Variants in CSMD1 observed in about 807,000 individuals in gnomAD.
CSMD1 encodes CUB and sushi domain-containing protein 1.
A neutral mutation model predicts 417.5 loss-of-function variants in CSMD1; 213 were observed. The observed-to-expected ratio is 0.51, with a 90% CI of 0.46 to 0.57. CSMD1 has a LOEUF of 0.57. Among genes scored for constraint, CSMD1 ranks in the 20% least tolerant of loss-of-function variants. CSMD1 has a pLI of 0.00. For synonymous variants in CSMD1, 2,862 were observed against 1,736.8 expected, an observed-to-expected ratio of 1.65 and a Z score of -16.11; for missense variants, 6,923 against 4,529.7, an observed-to-expected ratio of 1.53 and a Z score of -15.17.
intron 8 of CSMD1, among the ~76,000 whole-genome samples, chr8:3,596,041 T>G (rs1203281578): frequency 6.9e-6 from 1 of 145,602 alleles, no homozygotes; most frequent in Non-Finnish European, 1.5e-5. Context: ...CGTCAGTGCC[T>G]ATTTTCCACG....
intron 49 of CSMD1, among the ~76,000 whole-genome samples, chr8:3,079,980 A>G (rs1015267181): frequency 3.9e-5 from 6 of 152,178 alleles, no homozygotes; most frequent in Admixed American, 6.5e-5. Context: ...TCTCTATCTA[A>G]AAGGCCTGAC....
At chr8:4,223,484 T>C (rs1428728385) in intron 3 of CSMD1, among the ~76,000 whole-genome samples, 8 of 152,210 alleles carry the variant, frequency 5.3e-5, no homozygotes, top group Non-Finnish European at 1.2e-4. Context: ...GAAGGATAAT[T>C]GGTAGAGATG....
chr8:4,374,340 AT>A (rs1318532290), intron 3 of CSMD1, among the ~76,000 whole-genome samples: 2 of 152,060 alleles, frequency 1.3e-5, no homozygotes, highest in Non-Finnish European at 2.9e-5. Flanking sequence ...CTTTTTCTTT[AT>A]TTTCAGAATC....
At chr8:3,206,500 A>ATG (rs1256513528) in intron 30 of CSMD1, among the ~76,000 whole-genome samples, 1 of 86,308 alleles carries the variant, frequency 1.2e-5, no homozygotes, top group African/African-American at 4.7e-5. Context: ...GTGTGGGTGT[A>ATG]TGTGTGTGTG....
At chr8:3,966,765 GCACA>G (rs926761750) in intron 5 of CSMD1, among the ~76,000 whole-genome samples, 1 of 131,038 alleles carries the variant, frequency 7.6e-6, no homozygotes, top group African/African-American at 2.8e-5. Flanking sequence ...GCGCGCGCGC[GCACA>G]CACACTGATT....
chr8:3,516,388 A>G (rs1242918056), intron 10 of CSMD1, among the ~76,000 whole-genome samples: 1 of 152,174 alleles, frequency 6.6e-6, no homozygotes, highest in Non-Finnish European at 1.5e-5. Flanking sequence ...AAATACTGGG[A>G]TGTGTCAAAA....
chr8:3,489,240 A>C (rs1313940768), intron 11 of CSMD1, among the ~76,000 whole-genome samples: 4 of 152,148 alleles, frequency 2.6e-5, no homozygotes, highest in African/African-American at 9.7e-5. Context: ...AAAATGGATT[A>C]ATCCAGCCCT....
At chr8:4,008,123 A>C (rs1816270597) in intron 4 of CSMD1, among the ~76,000 whole-genome samples, 1 of 152,204 alleles carries the variant, frequency 6.6e-6, no homozygotes. Flanking sequence ...AATAAAGTCA[A>C]GGCAGGTAGA....
At chr8:3,823,250 A>C (rs1801844045) in intron 5 of CSMD1, among the ~76,000 whole-genome samples, 2 of 152,148 alleles carry the variant, frequency 1.3e-5, no homozygotes, top group Admixed American at 1.3e-4. Context: ...ATAGCTGAGA[A>C]CTTCAAAGTA....
chr8:4,627,218 A>G (rs1412195217), intron 2 of CSMD1, among the ~76,000 whole-genome samples: 1 of 152,176 alleles, frequency 6.6e-6, no homozygotes, highest in African/African-American at 2.4e-5. Context: ...AATCAGCAAC[A>G]GACTTTGCTG....
At chr8:4,857,530 G>GA (rs1282208276) in intron 1 of CSMD1, among the ~76,000 whole-genome samples, 4 of 151,178 alleles carry the variant, frequency 2.6e-5, no homozygotes, top group Admixed American at 6.6e-5. Flanking sequence ...CAAGACTAAT[G>GA]AAAAAAAGAG....
intron 23 of CSMD1, among the ~76,000 whole-genome samples, chr8:3,309,049 C>G (rs35804722): frequency 6.6e-6 from 1 of 151,996 alleles, no homozygotes; most frequent in Non-Finnish European, 1.5e-5. Context: ...TTCCGGAGTT[C>G]CACAACTTCA....
intron 48 of CSMD1, 98 bp from the exon 49 acceptor site, chr8:3,087,383 T>G: frequency 7.9e-7 from 1 of 1,263,446 alleles, no homozygotes; most frequent in Non-Finnish European, 1.1e-6. Flanking sequence ...GGCTTCTCAT[T>G]TCCAAAAGGT....
chr8:4,961,077 T>C (rs1179015824), intron 1 of CSMD1, among the ~76,000 whole-genome samples: 8 of 152,164 alleles, frequency 5.3e-5, no homozygotes, highest in Non-Finnish European at 1.0e-4. Context: ...TGGAGTAAAA[T>C]TAACAACGGG....
intron 3 of CSMD1, among the ~76,000 whole-genome samples, chr8:4,111,895 A>C (rs879416785): frequency 1.3e-5 from 2 of 152,234 alleles, no homozygotes; most frequent in Non-Finnish European, 2.9e-5. Flanking sequence ...AGAAACCTGC[A>C]CATCCAGCAC....
chr8:4,207,787 G>T (rs150452713), intron 3 of CSMD1, among the ~76,000 whole-genome samples: 7 of 152,056 alleles, frequency 4.6e-5, no homozygotes, highest in African/African-American at 1.7e-4. Flanking sequence ...ATTAGAACTG[G>T]CAATAGCAAA....
At chr8:3,808,592 G>A (rs921593862) in intron 5 of CSMD1, among the ~76,000 whole-genome samples, 3 of 152,116 alleles carry the variant, frequency 2.0e-5, no homozygotes, top group African/African-American at 7.2e-5. Context: ...GAAAATAATT[G>A]CACACTGCTG....
intron 52 of CSMD1, among the ~76,000 whole-genome samples, chr8:3,002,752 C>A (rs1281720963): frequency 6.6e-6 from 1 of 152,262 alleles, no homozygotes; most frequent in African/African-American, 2.4e-5. Flanking sequence ...TTGTAATGGT[C>A]AAGGAAGCAT....
At chr8:4,813,169 C>T (rs991825986) in intron 1 of CSMD1, among the ~76,000 whole-genome samples, 1 of 152,140 alleles carries the variant, frequency 6.6e-6, no homozygotes, top group Non-Finnish European at 1.5e-5. Flanking sequence ...GTCACTAATG[C>T]ATACACTAAA....
Sources: allele counts gnomAD v4.1 joint callset (sites outside exome capture counted in the v4.1 genomes callset), GRCh38; gene constraint gnomAD v4.1.1; transcripts MANE v1.5; gene names NCBI Gene and HGNC (gene_info 2026-07-23, HGNC 2026-07-21).